RAB10: variants seen among roughly 807,000 people sequenced by gnomAD.
RAB10 encodes the protein ras-related protein Rab-10.
In RAB10, 5 loss-of-function variants were observed where a neutral mutation model predicts 25.7. The observed-to-expected ratio is 0.19, with a 90% CI of 0.10 to 0.41. The LOEUF is 0.41. Among genes scored for constraint, RAB10 ranks in the 10% least tolerant of loss-of-function variants. The pLI is 1.00. For synonymous variants in RAB10, 89 were observed against 86.4 expected (o/e 1.03, Z -0.16); for missense variants, 103 against 245.8 (o/e 0.42, Z 3.89).
At chr2:26,047,288 A>C (rs1408880269) in intron 1 of RAB10, among the ~76,000 whole-genome samples, 3 of 152,210 alleles carry the variant, frequency 2.0e-5, no homozygotes, top group Non-Finnish European at 4.4e-5. Context: ...TTGTCATTTT[A>C]CAAATGTTGT....
chr2:26,058,794 G>A (rs1666324883), intron 1 of RAB10, among the ~76,000 whole-genome samples: 1 of 152,140 alleles, frequency 6.6e-6, no homozygotes, highest in African/African-American at 2.4e-5. Context: ...TTTTGTCAGT[G>A]AAGTCTTCCC....
intron 2 of RAB10, among the ~76,000 whole-genome samples, chr2:26,106,411 T>C (rs1667463898): frequency 1.3e-5 from 2 of 152,128 alleles, no homozygotes; most frequent in African/African-American, 4.8e-5. Context: ...TGCAACAGAA[T>C]AAAGAACCCA....
intron 1 of RAB10, among the ~76,000 whole-genome samples, chr2:26,096,137 A>G (rs1469098508): frequency 3.3e-5 from 5 of 152,128 alleles, no homozygotes; most frequent in South Asian, 4.1e-4. Flanking sequence ...GGACTGCTCT[A>G]TTGCTGGGAT....
At chr2:26,035,635 G>A (rs929314755) in intron 1 of RAB10, among the ~76,000 whole-genome samples, 1 of 152,182 alleles carries the variant, frequency 6.6e-6, no homozygotes, top group African/African-American at 2.4e-5. Flanking sequence ...CGCTAATTGT[G>A]CTATATTAAT....
chr2:26,103,849 G>T (rs1039864783), intron 2 of RAB10, among the ~76,000 whole-genome samples: 6 of 151,984 alleles, frequency 3.9e-5, no homozygotes, highest in Non-Finnish European at 7.4e-5. Context: ...GGTCTTTTGT[G>T]ACTAGTTTCT....
rs765823888 is a variant in RAB10 at position 26,109,914 on chromosome 2, C to T, written c.327+8C>T. 1 of 1,591,272 alleles carries T rather than the reference C, an allele frequency of 6.3e-7. No homozygotes were observed. Among genetic ancestry groups the T allele is most frequent in the East Asian group, 2.3e-5 (1 of 43,818 alleles). On this transcript the variant is annotated splice_region_variant and intron_variant, in intron 3 of 5. Transcript: ENST00000264710. ...CTTAGAAACATAGATGAGGTAAGAC[C>T]TAGAACTTGTATAAACCCTTCATGA...
At chr2:26,050,414 A>AT (rs1666105993) in intron 1 of RAB10, among the ~76,000 whole-genome samples, 1 of 152,136 alleles carries the variant, frequency 6.6e-6, no homozygotes, top group East Asian at 1.9e-4. Context: ...AAGATTTCTA[A>AT]TTTTTTAAGT....
At chr2:26,081,692 G>A (rs74408332) in intron 1 of RAB10, among the ~76,000 whole-genome samples, 1,681 of 152,190 alleles carry the variant, frequency 0.011, 35 homozygotes, top group African/African-American at 0.038. Context: ...TGTGAACTGC[G>A]TACTATTTTT....
chr2:26,044,199 C>T (rs572293295), intron 1 of RAB10, among the ~76,000 whole-genome samples: 3 of 152,110 alleles, frequency 2.0e-5, no homozygotes, highest in African/African-American at 4.8e-5. Flanking sequence ...TTTTCCCCAC[C>T]GCTCAACAAA....
intron 1 of RAB10, among the ~76,000 whole-genome samples, chr2:26,051,807 C>A (rs144051134): frequency 6.6e-6 from 1 of 151,418 alleles, no homozygotes; most frequent in African/African-American, 2.4e-5. Context: ...CCTGTAATCC[C>A]AGCACTTTGG....
chr2:26,086,912 A>C (rs1203835636), intron 1 of RAB10, among the ~76,000 whole-genome samples: 1 of 152,216 alleles, frequency 6.6e-6, no homozygotes, highest in African/African-American at 2.4e-5. Context: ...GAAGTATCCA[A>C]AATAGGTAAA....
chr2:26,129,203 G>C (rs1413129917), intron 5 of RAB10, among the ~76,000 whole-genome samples: 1 of 150,028 alleles, frequency 6.7e-6, no homozygotes, highest in African/African-American at 2.5e-5. Context: ...CAGGGAGTCA[G>C]AGGTTGCAGT....
At chr2:26,086,177 G>A (rs1415929871) in intron 1 of RAB10, among the ~76,000 whole-genome samples, 3 of 151,738 alleles carry the variant, frequency 2.0e-5, no homozygotes, top group Non-Finnish European at 2.9e-5. Flanking sequence ...AAGTAACTGA[G>A]TCTGGTGGCA....
chr2:26,044,959 C>G (rs578089361), intron 1 of RAB10, among the ~76,000 whole-genome samples: 6 of 151,308 alleles, frequency 4.0e-5, no homozygotes, highest in Admixed American at 1.3e-4. Context: ...TCATCAATTT[C>G]AATTTGAAAA....
intron 1 of RAB10, among the ~76,000 whole-genome samples, chr2:26,038,049 G>T (rs1665801052): frequency 6.6e-6 from 1 of 151,702 alleles, no homozygotes; most frequent in African/African-American, 2.4e-5. Context: ...ACCACACCTG[G>T]CTAATTTTGT....
intron 1 of RAB10, among the ~76,000 whole-genome samples, chr2:26,049,184 G>A (rs1439710494): frequency 6.9e-6 from 1 of 144,866 alleles, no homozygotes; most frequent in East Asian, 2.0e-4. Context: ...GATGGAGGTC[G>A]ACTTTTTTTT....
intron 3 of RAB10, among the ~76,000 whole-genome samples, chr2:26,121,092 A>AATT (rs1667794780): frequency 6.6e-6 from 1 of 151,946 alleles, no homozygotes; most frequent in Admixed American, 6.6e-5. Context: ...TAGTAATTTT[A>AATT]GTAGAGACAG....
At chr2:26,036,242 TGAG>T (rs1258027368) in intron 1 of RAB10, among the ~76,000 whole-genome samples, 3 of 152,180 alleles carry the variant, frequency 2.0e-5, no homozygotes, top group Non-Finnish European at 2.9e-5. Context: ...ACAGACCCCT[TGAG>T]GAGCATTCCG....
At chr2:26,069,746 C>T (rs1666585877) in intron 1 of RAB10, among the ~76,000 whole-genome samples, 3 of 150,566 alleles carry the variant, frequency 2.0e-5, no homozygotes, top group Non-Finnish European at 3.0e-5. Context: ...CACTCTGTTG[C>T]CCCGGCTGGA....
Sources: allele counts gnomAD v4.1 joint callset (sites outside exome capture counted in the v4.1 genomes callset), GRCh38; gene constraint gnomAD v4.1.1; transcripts MANE v1.5; gene names NCBI Gene and HGNC (gene_info 2026-07-23, HGNC 2026-07-21).